The following GALNT13 variants were observed in gnomAD, a reference collection of about 807,000 sequenced individuals.
GALNT13 encodes the protein UDP-GalNAc:polypeptide N-acetylgalactosaminyltransferase 13.
In GALNT13, 28 loss-of-function variants were observed where a neutral mutation model predicts 64.2. The ratio of observed to expected loss-of-function variants is 0.44; its 90% confidence interval spans 0.32 to 0.60. GALNT13 has a LOEUF of 0.60. GALNT13 is among the 20% of genes least tolerant of loss of function. The probability of loss-of-function intolerance (pLI) is 0.05; values close to 1 mark genes in which losing one functional copy is unlikely to be tolerated. For missense variants in GALNT13, 577 were observed against 669.8 expected, an observed-to-expected ratio of 0.86 and a Z score of 1.53; for synonymous variants, 214 against 224.6, an observed-to-expected ratio of 0.95 and a Z score of 0.42.
the GALNT13 span, among the ~76,000 whole-genome samples, chr2:153,332,350 C>T: frequency 6.6e-6 from 1 of 151,926 alleles, no homozygotes; most frequent in Non-Finnish European, 1.5e-5. Context: ...TTTCTGTATC[C>T]CAGATATTGT....
chr2:153,530,374 T>C, the GALNT13 span, among the ~76,000 whole-genome samples: 1 of 151,504 alleles, frequency 6.6e-6, no homozygotes, highest in East Asian at 1.9e-4. Context: ...TAGAAGAAAA[T>C]TTCAAAAAAT....
intron 1 of GALNT13, among the ~76,000 whole-genome samples, chr2:153,887,663 G>C (rs1214337936): frequency 6.6e-6 from 1 of 151,918 alleles, no homozygotes; most frequent in Non-Finnish European, 1.5e-5. Context: ...TGAGAACAAG[G>C]TTGATATCTT....
chr2:154,415,116 G>A (rs778506917), intron 11 of GALNT13, among the ~76,000 whole-genome samples: 15 of 148,646 alleles, frequency 1.0e-4, no homozygotes, highest in Non-Finnish European at 2.1e-4. Flanking sequence ...CCTGGGAAAT[G>A]TAGCAAAACC....
In GALNT13 at chr2:154,434,922, G is replaced by A. The variant is rs116367856; in HGVS notation, c.1396-3670G>A. Among the ~76,000 whole-genome samples the A allele has an allele frequency of 4.6e-3, 701 of 152,200 alleles. 6 individuals carry two copies. The highest frequency in any genetic ancestry group is 0.016 in the African/African-American group (682 of 41,540). On this transcript the variant is annotated intron_variant, in intron 11 of 12. Transcript: ENST00000392825. Reference sequence around the variant, plus strand: ...ATTTATTTAATGTAATATATACGAAGCATAGAACACATTTTTTAAAAAAGG... The same window carrying A: ...ATTTATTTAATGTAATATATACGAAACATAGAACACATTTTTTAAAAAAGG...
the GALNT13 span, among the ~76,000 whole-genome samples, chr2:153,404,826 G>T: frequency 6.6e-6 from 1 of 152,148 alleles, no homozygotes; most frequent in Non-Finnish European, 1.5e-5. Context: ...CAACATTCTA[G>T]TCTATAGTTG....
chr2:154,150,327 T>C (rs1683911694), intron 4 of GALNT13, among the ~76,000 whole-genome samples: 1 of 152,142 alleles, frequency 6.6e-6, no homozygotes, highest in South Asian at 2.1e-4. Context: ...GGATTCGGTT[T>C]GCCAGTATTT....
intron 9 of GALNT13, among the ~76,000 whole-genome samples, chr2:154,314,378 C>T (rs1694217510): frequency 6.6e-6 from 1 of 152,106 alleles, no homozygotes; most frequent in South Asian, 2.1e-4. Context: ...CTCTCATACT[C>T]TCAGCTAAGT....
chr2:153,244,410 C>G, the GALNT13 span, among the ~76,000 whole-genome samples: 1 of 152,174 alleles, frequency 6.6e-6, no homozygotes, highest in African/African-American at 2.4e-5. Context: ...CCATTGAGAC[C>G]AATGCAGAAG....
At chr2:154,372,818 A>G (rs1200837571) in intron 9 of GALNT13, among the ~76,000 whole-genome samples, 1 of 150,598 alleles carries the variant, frequency 6.6e-6, no homozygotes, top group Non-Finnish European at 1.5e-5. Flanking sequence ...ACATTGCTCT[A>G]TATTTGAAAA....
chr2:154,250,018 C>T (rs1472505582), intron 7 of GALNT13, among the ~76,000 whole-genome samples: 2 of 151,974 alleles, frequency 1.3e-5, no homozygotes, highest in African/African-American at 4.8e-5. Context: ...ATAGAAGAAG[C>T]ATTGAAACTA....
At chr2:153,138,447 T>A in the GALNT13 span, among the ~76,000 whole-genome samples, 1 of 152,188 alleles carries the variant, frequency 6.6e-6, no homozygotes, top group East Asian at 1.9e-4. Flanking sequence ...TATTGTCAGA[T>A]GATATGCAAG....
chr2:154,120,220 A>C (rs528467643), intron 3 of GALNT13, among the ~76,000 whole-genome samples: 1 of 152,258 alleles, frequency 6.6e-6, no homozygotes, highest in South Asian at 2.1e-4. Flanking sequence ...CTGTGATGTC[A>C]GGTGGAGCTT....
In GALNT13 at chr2:153,994,106, C is replaced by G. The variant is rs1275536496; in HGVS notation, c.142+49467C>G. On this transcript the variant is annotated intron_variant, in intron 3 of 12. Coordinates refer to ENST00000392825, the MANE Select transcript of GALNT13 (RefSeq NM_052917.4). ...ACAGGCCCCAGTGTGTGATGTTCCC[C>G]TTCCTGTGTCCAAGTGTTCTCATTG... 2.6e-5 allele frequency among the ~76,000 whole-genome samples: 4 copies of G among 152,144 alleles called. No individual in the cohort carries two copies. In the East Asian group the frequency reaches 7.7e-4, roughly 29 times the overall value.
intron 4 of GALNT13, among the ~76,000 whole-genome samples, chr2:154,147,730 A>T (rs1683704008): frequency 6.6e-6 from 1 of 152,072 alleles, no homozygotes; most frequent in African/African-American, 2.4e-5. Context: ...GCAAATTCTA[A>T]TTGAGAAAGC....
At chr2:153,394,732 CT>C in the GALNT13 span, among the ~76,000 whole-genome samples, 7 of 151,934 alleles carry the variant, frequency 4.6e-5, no homozygotes, top group Non-Finnish European at 8.8e-5. Flanking sequence ...TTAAAGAATT[CT>C]TTTTTTTCCC....
At position 154,154,393 on chromosome 2, in the gene GALNT13, AG is replaced by A. The variant is rs1224754786; in HGVS notation, c.311+13889del. On this transcript the variant is annotated intron_variant, in intron 4 of 12. Coordinates refer to ENST00000392825, the MANE Select transcript of GALNT13 (RefSeq NM_052917.4). ...TATCCATCCAAGCTCATTGGCCTGC[AG>A]AGGATGATGAAGAATCTTAAAAACA... Among the ~76,000 whole-genome samples the A allele has an allele frequency of 3.4e-4, 52 of 152,230 alleles. 1 individual carries two copies. Among genetic ancestry groups the A allele is most frequent in the Admixed American group, 1.3e-4 (2 of 15,286 alleles).
chr2:153,370,018 T>TTGA, the GALNT13 span, among the ~76,000 whole-genome samples: 2 of 152,120 alleles, frequency 1.3e-5, no homozygotes, highest in Non-Finnish European at 2.9e-5. Flanking sequence ...TAGGTATAAT[T>TTGA]TGATATGCAG....
At chr2:154,107,877 G>A (rs1216148677) in intron 3 of GALNT13, among the ~76,000 whole-genome samples, 1 of 151,882 alleles carries the variant, frequency 6.6e-6, no homozygotes, top group African/African-American at 2.4e-5. Flanking sequence ...ATCTATGCCT[G>A]GCTTATTTTA....
At chr2:154,405,074 C>T (rs988394403) in intron 10 of GALNT13, among the ~76,000 whole-genome samples, 1 of 151,860 alleles carries the variant, frequency 6.6e-6, no homozygotes, top group Non-Finnish European at 1.5e-5. Context: ...GCAAGCACAC[C>T]AGTACTTTAT....
Sources: gnomAD v4.1 joint callset for allele counts (sites outside exome capture counted in the v4.1 genomes callset) on GRCh38, gnomAD v4.1.1 for gene constraint, MANE v1.5 for transcripts, NCBI Gene and HGNC (gene_info 2026-07-23, HGNC 2026-07-21) for gene names.